The following KAZN variants were observed in gnomAD, a reference collection of about 807,000 sequenced individuals.
KAZN encodes kazrin, periplakin interacting protein, also known as kazrin.
Under a neutral mutation model 87.4 loss-of-function variants are expected in KAZN, and 40 were observed. That is an observed-to-expected ratio of 0.46 (90% CI 0.36 to 0.60). The LOEUF (loss-of-function observed/expected upper bound fraction) is 0.60. KAZN is among the 20% of genes least tolerant of loss of function. The pLI, the probability that KAZN is intolerant of heterozygous loss-of-function variation, is 0.00. For missense variants in KAZN, 898 were observed against 1,073.9 expected, an observed-to-expected ratio of 0.84 and a Z score of 2.29; for synonymous variants, 466 against 458.3, an observed-to-expected ratio of 1.02 and a Z score of -0.22.
intron 2 of KAZN, among the ~76,000 whole-genome samples, chr1:14,446,941 C>A (rs1571670030): frequency 1.3e-5 from 2 of 152,042 alleles, no homozygotes; most frequent in African/African-American, 4.8e-5. Context: ...ACAGAGGGCA[C>A]ATGTACAGGT....
At chr1:14,604,994 T>C (rs1176022739) in intron 1 of KAZN, among the ~76,000 whole-genome samples, 1 of 152,216 alleles carries the variant, frequency 6.6e-6, no homozygotes, top group Non-Finnish European at 1.5e-5. Flanking sequence ...AGGCCTTCCA[T>C]TCCCAATATT....
At chr1:14,201,493 C>A (rs2100407820) in intron 2 of KAZN, among the ~76,000 whole-genome samples, 1 of 152,314 alleles carries the variant, frequency 6.6e-6, no homozygotes, top group Non-Finnish European at 1.5e-5. Context: ...CCAGGTCAAA[C>A]CACCTACCCC....
At chr1:14,985,060 C>T (rs1402681417) in intron 2 of KAZN, among the ~76,000 whole-genome samples, 2 of 151,276 alleles carry the variant, frequency 1.3e-5, no homozygotes, top group Non-Finnish European at 2.9e-5. Context: ...CGCTTGAACC[C>T]AGGAGGCAGA....
At chr1:14,374,262 G>A (rs1331395555) in intron 2 of KAZN, among the ~76,000 whole-genome samples, 1 of 152,148 alleles carries the variant, frequency 6.6e-6, no homozygotes, top group Non-Finnish European at 1.5e-5. Context: ...ACTCACCCCA[G>A]GCAGTTATGA....
intron 1 of KAZN, among the ~76,000 whole-genome samples, chr1:13,991,467 G>T (rs1287880270): frequency 6.6e-6 from 1 of 151,984 alleles, no homozygotes; most frequent in Non-Finnish European, 1.5e-5. Context: ...AAAAGAAAAT[G>T]TAGTGTTTCT....
intron 2 of KAZN, chr1:14,349,498 G>A (rs1236685692): frequency 1.9e-4 from 29 of 152,164 alleles, no homozygotes; most frequent in Admixed American, 1.9e-3. Flanking sequence ...CAGCTGCCCT[G>A]TCTCAGTAAA....
In KAZN at chr1:14,241,726, A is replaced by AG. The variant is rs367853742; in HGVS notation, c.249+61135dup. Among the ~76,000 whole-genome samples the AG allele has an allele frequency of 2.1e-3, 315 of 152,318 alleles. 3 individuals are homozygous for AG. Among genetic ancestry groups the AG allele is most frequent in the African/African-American group, 7.3e-3 (305 of 41,554 alleles). ...CAAAGAGGTACTTGAGCAAGACCATAGTCAGGAGGAGATATGCTGTATTGA... is the reference window on the plus strand; with the variant it reads ...CAAAGAGGTACTTGAGCAAGACCATAGGTCAGGAGGAGATATGCTGTATTGA... On this transcript the variant is annotated intron_variant, in intron 2 of 16. Transcript: ENST00000636203.
At chr1:14,963,251 G>C (rs1664094451) in intron 2 of KAZN, among the ~76,000 whole-genome samples, 1 of 152,168 alleles carries the variant, frequency 6.6e-6, no homozygotes, top group Admixed American at 6.5e-5. Flanking sequence ...TGAAAAGGAA[G>C]CTTTATTGAG....
chr1:14,759,583 A>C (rs1644676015), intron 1 of KAZN, among the ~76,000 whole-genome samples: 1 of 152,156 alleles, frequency 6.6e-6, no homozygotes, highest in Admixed American at 6.5e-5. Flanking sequence ...GACAGTCTGC[A>C]AGAGAGTGTG....
intron 1 of KAZN, among the ~76,000 whole-genome samples, chr1:14,929,553 T>C (rs866021069): frequency 7.9e-5 from 12 of 152,214 alleles, no homozygotes; most frequent in Middle Eastern, 6.8e-3. Flanking sequence ...CTGACAAAAA[T>C]GGAACGTCAG....
At chr1:14,448,757 C>T (rs1667115053) in intron 2 of KAZN, among the ~76,000 whole-genome samples, 1 of 152,124 alleles carries the variant, frequency 6.6e-6, no homozygotes, top group Admixed American at 6.5e-5. Context: ...CACAAGGGAC[C>T]CCAGGCAACC....
At chr1:14,163,232 T>G (rs993911612) in intron 1 of KAZN, among the ~76,000 whole-genome samples, 2 of 152,156 alleles carry the variant, frequency 1.3e-5, no homozygotes, top group African/African-American at 4.8e-5. Context: ...TAAAAAGTTT[T>G]AGAGTGGGAG....
chr1:14,078,766 A>T (rs533792130), intron 1 of KAZN, among the ~76,000 whole-genome samples: 3 of 151,818 alleles, frequency 2.0e-5, no homozygotes, highest in Non-Finnish European at 2.9e-5. Context: ...CTCACTGCAA[A>T]CTCTGCCTCC....
At chr1:14,051,392 T>C (rs1382521887) in intron 1 of KAZN, among the ~76,000 whole-genome samples, 2 of 151,582 alleles carry the variant, frequency 1.3e-5, no homozygotes, top group Non-Finnish European at 2.9e-5. Flanking sequence ...GAGGAGGGAG[T>C]CTGGGTTTTT....
intron 2 of KAZN, among the ~76,000 whole-genome samples, chr1:14,332,061 C>T (rs1020642328): frequency 7.2e-5 from 11 of 152,138 alleles, no homozygotes; most frequent in African/African-American, 2.2e-4. Flanking sequence ...CACATATAGT[C>T]TCCATCACAT....
At chr1:14,367,084 C>T (rs543432478) in intron 2 of KAZN, among the ~76,000 whole-genome samples, 3 of 152,096 alleles carry the variant, frequency 2.0e-5, no homozygotes, top group Non-Finnish European at 2.9e-5. Flanking sequence ...CAAAAATTAG[C>T]GAGGCGTGGT....
chr1:14,337,821 G>A (rs1202765088), intron 2 of KAZN, among the ~76,000 whole-genome samples: 1 of 151,130 alleles, frequency 6.6e-6, no homozygotes, highest in Non-Finnish European at 1.5e-5. Flanking sequence ...TTGAACTCAG[G>A]AGGCGGAGGT....
chr1:14,192,111 T>C lies in KAZN; in HGVS notation c.249+11519T>C, dbSNP rs143364771. On this transcript the variant is annotated intron_variant, in intron 2 of 16. Transcript: ENST00000636203. ...GTGTGTGGCCTGAGCCAATTCGTGG[T>C]ACCCCCAAACATAGACATAGAGGAA... Among the ~76,000 whole-genome samples the C allele has an allele frequency of 3.9e-4, 59 of 152,178 alleles. No individual in the cohort carries two copies. In the East Asian group the frequency reaches 9.1e-3, roughly 23 times the overall value.
At chr1:14,350,068 A>T (rs1049307776) in intron 2 of KAZN, among the ~76,000 whole-genome samples, 7 of 148,106 alleles carry the variant, frequency 4.7e-5, no homozygotes, top group Admixed American at 2.1e-4. Flanking sequence ...TGGGAGGCGG[A>T]GCTTGCAGTG....
Sources: allele counts gnomAD v4.1 joint callset (sites outside exome capture counted in the v4.1 genomes callset), GRCh38; gene constraint gnomAD v4.1.1; transcripts MANE v1.5; gene names NCBI Gene and HGNC (gene_info 2026-07-23, HGNC 2026-07-21).